CADPS2: variants seen among roughly 807,000 people sequenced by gnomAD.
The protein encoded by CADPS2 is calcium dependent secretion activator 2.
CADPS2 carries 93 observed loss-of-function variants against 172.5 expected under a neutral mutation model. The ratio of observed to expected loss-of-function variants is 0.54; its 90% CI spans 0.46 to 0.64. The LOEUF (loss-of-function observed/expected upper bound fraction) is 0.64, where lower values mean the gene tolerates loss of function less well. CADPS2 is among the 30% of genes least tolerant of loss of function. The pLI is 0.00. For missense variants in CADPS2, 1,420 were observed against 1,565.9 expected (o/e 0.91, Z 1.57); for synonymous variants, 546 against 555.2 (o/e 0.98, Z 0.23).
At chr7:122,664,958 T>A (rs112960401) in intron 2 of CADPS2, among the ~76,000 whole-genome samples, 3 of 93,778 alleles carry the variant, frequency 3.2e-5, no homozygotes, top group Non-Finnish European at 6.6e-5. Context: ...GGCTAGTTTT[T>A]GTATTTTTTT....
At chr7:122,770,826 A>G (rs901938271) in intron 1 of CADPS2, among the ~76,000 whole-genome samples, 3 of 152,200 alleles carry the variant, frequency 2.0e-5, no homozygotes, top group African/African-American at 7.2e-5. Context: ...GAGCTGCTGC[A>G]GGGCACTCAA....
intron 1 of CADPS2, among the ~76,000 whole-genome samples, chr7:122,866,897 G>A (rs1263606835): frequency 2.6e-5 from 4 of 152,116 alleles, no homozygotes; most frequent in African/African-American, 9.7e-5. Context: ...GCTAGCCTCT[G>A]CATACCTCTC....
chr7:122,616,650 T>A (rs34009656), intron 5 of CADPS2, among the ~76,000 whole-genome samples: 21,465 of 152,068 alleles, frequency 0.14, 1,629 homozygotes, highest in African/African-American at 0.19. Context: ...AGGACTTAAC[T>A]GAAAACAGAC....
intron 8 of CADPS2, among the ~76,000 whole-genome samples, 165 bp downstream of exon 8, chr7:122,554,385 G>A (rs776582289): frequency 2.0e-5 from 3 of 152,016 alleles, no homozygotes; most frequent in African/African-American, 4.8e-5. Flanking sequence ...CTATAAAGCC[G>A]TCTATGGGTA....
chr7:122,434,064 T>C (rs1234085055), intron 17 of CADPS2, among the ~76,000 whole-genome samples: 1 of 152,214 alleles, frequency 6.6e-6, no homozygotes, highest in Admixed American at 6.5e-5. Context: ...CCTGAACTTC[T>C]TGTTTGTAAA....
At chr7:122,671,982 G>A (rs931495787) in intron 2 of CADPS2, among the ~76,000 whole-genome samples, 1 of 152,178 alleles carries the variant, frequency 6.6e-6, no homozygotes, top group Non-Finnish European at 1.5e-5. Context: ...TTGTCCATAT[G>A]AAAAGGGGAG....
At chr7:122,541,423 C>G (rs1315454861) in intron 8 of CADPS2, among the ~76,000 whole-genome samples, 1 of 143,314 alleles carries the variant, frequency 7.0e-6, no homozygotes, top group African/African-American at 2.6e-5. Flanking sequence ...TCAGGCTGGT[C>G]TTGAACTCCT....
At chr7:122,570,318 C>G (rs1270641115) in intron 7 of CADPS2, among the ~76,000 whole-genome samples, 5 of 152,114 alleles carry the variant, frequency 3.3e-5, no homozygotes, top group Admixed American at 2.6e-4. Flanking sequence ...AAATTGAAAT[C>G]AAAACCACAA....
At chr7:122,352,875 A>G (rs1381147574) in intron 27 of CADPS2, among the ~76,000 whole-genome samples, 1 of 152,154 alleles carries the variant, frequency 6.6e-6, no homozygotes, top group Non-Finnish European at 1.5e-5. Context: ...AATATTGTTC[A>G]CTCTGTGGAA....
chr7:122,674,729 C>T (rs1292982534), intron 2 of CADPS2, among the ~76,000 whole-genome samples: 1 of 152,178 alleles, frequency 6.6e-6, no homozygotes, highest in Non-Finnish European at 1.5e-5. Context: ...AAAACATTAT[C>T]TGCTTGCCAA....
At chr7:122,592,383 G>A (rs2133232587) in intron 6 of CADPS2, among the ~76,000 whole-genome samples, 1 of 152,302 alleles carries the variant, frequency 6.6e-6, no homozygotes, top group South Asian at 2.1e-4. Flanking sequence ...CTTTTACACT[G>A]TTGGTGGGAC....
chr7:122,433,481 G>GT (rs1255752897), intron 17 of CADPS2, among the ~76,000 whole-genome samples: 1 of 146,732 alleles, frequency 6.8e-6, no homozygotes, highest in East Asian at 2.0e-4. Flanking sequence ...TCGGCTCACT[G>GT]TAACTTCTGC....
chr7:122,522,560 T>C (rs1370339623), intron 8 of CADPS2, among the ~76,000 whole-genome samples: 1 of 152,170 alleles, frequency 6.6e-6, no homozygotes, highest in Non-Finnish European at 1.5e-5. Flanking sequence ...TTCTTTGTAG[T>C]GGGAACATTT....
intron 19 of CADPS2, among the ~76,000 whole-genome samples, chr7:122,413,553 T>C (rs1302989481): frequency 6.6e-6 from 1 of 152,164 alleles, no homozygotes; most frequent in Non-Finnish European, 1.5e-5. Context: ...GGAGCTGACA[T>C]GCGAGCCACT....
intron 1 of CADPS2, among the ~76,000 whole-genome samples, chr7:122,823,756 T>G (rs1804061713): frequency 6.6e-6 from 1 of 152,188 alleles, no homozygotes. Context: ...TGACTTGGAA[T>G]AGACCTAACT....
chr7:122,594,159 G>A (rs1009525416), intron 6 of CADPS2, among the ~76,000 whole-genome samples: 1 of 151,974 alleles, frequency 6.6e-6, no homozygotes, highest in Non-Finnish European at 1.5e-5. Context: ...CAAGAACTGG[G>A]TGTAGCAGCA....
intron 2 of CADPS2, among the ~76,000 whole-genome samples, chr7:122,722,761 G>A (rs1262135482): frequency 1.3e-3 from 194 of 148,382 alleles, no homozygotes; most frequent in Non-Finnish European, 2.5e-3. Flanking sequence ...GAGGCATCAT[G>A]CTACCTGACT....
Position 122,865,503 on chromosome 7 carries a change from A to T in CADPS2, c.339+20496T>A, listed in dbSNP as rs1240373656. On this transcript the variant is annotated intron_variant, in intron 1 of 29. Transcript: ENST00000449022. ...CTAAGCCAATTCTTGCTCCTATTGCAGCAAAACTTACTTTCTACTCTCCTC... is the reference window on the plus strand; with the variant it reads ...CTAAGCCAATTCTTGCTCCTATTGCTGCAAAACTTACTTTCTACTCTCCTC... Among the ~76,000 whole-genome samples, 3 of 152,336 alleles carry T rather than the reference A, an allele frequency of 2.0e-5. 1 individual carries two copies. Among genetic ancestry groups the T allele is most frequent in the Middle Eastern group, 6.8e-3 (2 of 294 alleles).
chr7:122,808,851 T>A (rs1799378542), intron 1 of CADPS2, among the ~76,000 whole-genome samples: 1 of 152,214 alleles, frequency 6.6e-6, no homozygotes, highest in African/African-American at 2.4e-5. Context: ...AAAGAAAAGA[T>A]CTAGGAAATA....
Sources: gnomAD v4.1 joint callset for allele counts (sites outside exome capture counted in the v4.1 genomes callset) on GRCh38, gnomAD v4.1.1 for gene constraint, MANE v1.5 for transcripts, NCBI Gene and HGNC (gene_info 2026-07-23, HGNC 2026-07-21) for gene names.